Variants in UBTD1 observed in about 807,000 individuals in gnomAD.
The protein encoded by UBTD1 is ubiquitin domain-containing protein 1.
A neutral mutation model predicts 21.7 loss-of-function variants in UBTD1; 19 were observed. The observed-to-expected ratio is 0.87, with a 90% CI of 0.61 to 1.28. UBTD1 has a LOEUF of 1.28. Among genes scored for constraint, UBTD1 ranks in the 50% most tolerant of loss-of-function variants. UBTD1 has a pLI of 0.00. For missense variants in UBTD1, 282 were observed against 315.1 expected (o/e 0.89, Z 0.80); for synonymous variants, 116 against 135.1 (o/e 0.86, Z 0.98).
rs2135690149 is a variant in UBTD1 at position 97,567,767 on chromosome 10, T to C, written c.71-147T>C. On this transcript the variant is annotated intron_variant, in intron 1 of 2. Transcript: ENST00000370664. ...GAAGTTTTCTGACTCTTCCCTGCTA[T>C]TTAGGAAGGGCTTCAAAGACCTGAA... 4.1e-6 allele frequency: 3 copies of C among 725,696 alleles called. No homozygotes were observed. The East Asian group carries it at 8.1e-5, about 20-fold the overall frequency. The allele number at this position is 725,696 out of a possible 1,614,324, so 45.0% of individuals were successfully genotyped here.
chr10:97,506,139 G>A (rs552930351), intron 1 of UBTD1, among the ~76,000 whole-genome samples: 26 of 152,204 alleles, frequency 1.7e-4, no homozygotes, highest in Non-Finnish European at 1.5e-5. Context: ...GACCTGGGGT[G>A]GGGGAGGGAC....
intron 1 of UBTD1, among the ~76,000 whole-genome samples, chr10:97,535,144 C>T (rs2040554043): frequency 6.6e-6 from 1 of 152,170 alleles, no homozygotes; most frequent in Non-Finnish European, 1.5e-5. Context: ...TGTCTCATGG[C>T]CCCAAGAAAC....
At chr10:97,558,630 G>A (rs940840892) in intron 1 of UBTD1, among the ~76,000 whole-genome samples, 1 of 151,150 alleles carries the variant, frequency 6.6e-6, no homozygotes, top group Non-Finnish European at 1.5e-5. Flanking sequence ...CAGGGCTGGG[G>A]CCGACATGAA....
At chr10:97,513,639 T>G (rs888642302) in intron 1 of UBTD1, among the ~76,000 whole-genome samples, 1 of 152,230 alleles carries the variant, frequency 6.6e-6, no homozygotes, top group African/African-American at 2.4e-5. Flanking sequence ...GTGAACGATA[T>G]GAGAAAGCTC....
chr10:97,505,518 A>G (rs2040394871), intron 1 of UBTD1, among the ~76,000 whole-genome samples: 1 of 152,224 alleles, frequency 6.6e-6, no homozygotes, highest in Admixed American at 6.5e-5. Flanking sequence ...CTTCACAGAG[A>G]TGTTATGGAG....
rs34756643 is a variant in UBTD1 at position 97,527,171 on chromosome 10, CAAA to C, written c.70+27919_70+27921del. Among the ~76,000 whole-genome samples the C allele has an allele frequency of 2.4e-3, 161 of 66,712 alleles. 2 individuals carry two copies. Among genetic ancestry groups the C allele is most frequent in the African/African-American group, 9.8e-3 (154 of 15,750 alleles). 43.8% of individuals were successfully genotyped at this position (66,712 alleles called of 152,430 possible). A position where few individuals can be genotyped will look rare whatever the true frequency, so the allele number is the denominator to read the frequency against. On this transcript the variant is annotated intron_variant, in intron 1 of 2. Coordinates refer to ENST00000370664, the MANE Select transcript of UBTD1 (RefSeq NM_024954.5). Reference sequence around the variant, plus strand: ...GGCAACAAAGCGAAACTCTTGTCTCCAAAAAAAAAAAAAAAAAAAAAAAGCCTG... The same window carrying C: ...GGCAACAAAGCGAAACTCTTGTCTCCAAAAAAAAAAAAAAAAAAAAGCCTG...
chr10:97,514,960 C>CAGCT (rs1564735925), intron 1 of UBTD1, among the ~76,000 whole-genome samples: 16 of 152,200 alleles, frequency 1.1e-4, no homozygotes, highest in African/African-American at 3.9e-4. Flanking sequence ...AGTCTGGCCT[C>CAGCT]GTGCATAGGA....
chr10:97,515,851 G>A lies in UBTD1; in HGVS notation c.70+16578G>A, dbSNP rs749992654. ...CTCCAGCCAAGGGATGGGGTCACACGTGATGAAACAGGTCTGGCAGGAGCC... is the reference window on the plus strand; with the variant it reads ...CTCCAGCCAAGGGATGGGGTCACACATGATGAAACAGGTCTGGCAGGAGCC... On this transcript the variant is annotated intron_variant, in intron 1 of 2. Coordinates refer to ENST00000370664, the MANE Select transcript of UBTD1 (RefSeq NM_024954.5). Among the ~76,000 whole-genome samples the A allele has an allele frequency of 5.4e-4, 82 of 152,204 alleles. 1 individual carries two copies. Among genetic ancestry groups the A allele is most frequent in the Admixed American group, 1.1e-3 (17 of 15,284 alleles).
intron 1 of UBTD1, among the ~76,000 whole-genome samples, chr10:97,512,486 A>T (rs1564735480): frequency 6.6e-6 from 1 of 152,142 alleles, no homozygotes. Flanking sequence ...GCCATAACTT[A>T]TTGCTTGTAT....
At chr10:97,501,720 T>G (rs2135651112) in intron 1 of UBTD1, among the ~76,000 whole-genome samples, 1 of 152,352 alleles carries the variant, frequency 6.6e-6, no homozygotes, top group African/African-American at 2.4e-5. Context: ...TCCTGATTTC[T>G]TTCCCTTCTC....
At chr10:97,515,381 C>T (rs2135660725) in intron 1 of UBTD1, among the ~76,000 whole-genome samples, 1 of 152,322 alleles carries the variant, frequency 6.6e-6, no homozygotes, top group East Asian at 1.9e-4. Context: ...AGTTTTTCTT[C>T]ATTCAGCAAG....
At chr10:97,531,815 T>C (rs887811164) in intron 1 of UBTD1, among the ~76,000 whole-genome samples, 1 of 152,150 alleles carries the variant, frequency 6.6e-6, no homozygotes, top group Non-Finnish European at 1.5e-5. Flanking sequence ...TCCCCTGTGG[T>C]TTCCAGGTCC....
intron 1 of UBTD1, among the ~76,000 whole-genome samples, chr10:97,506,874 T>C (rs745803211): frequency 4.6e-5 from 7 of 152,232 alleles, no homozygotes; most frequent in Non-Finnish European, 1.0e-4. Flanking sequence ...TTCCATTGTA[T>C]GTATATACCA....
At chr10:97,531,601 AGACTCCTGACT>A (rs2135670315) in intron 1 of UBTD1, among the ~76,000 whole-genome samples, 1 of 152,192 alleles carries the variant, frequency 6.6e-6, no homozygotes, top group East Asian at 1.9e-4. Flanking sequence ...GTTGGACCAG[AGACTCCTGACT>A]GTGCTTGGGA....
intron 1 of UBTD1, among the ~76,000 whole-genome samples, chr10:97,563,495 T>G (rs1156882119): frequency 6.6e-6 from 1 of 151,482 alleles, no homozygotes; most frequent in Non-Finnish European, 1.5e-5. Flanking sequence ...TGGAGATAGG[T>G]AGGGAGAGGT....
In UBTD1 at chr10:97,499,114, GCCGGAGC is replaced by G. The variant is rs2040291872; in HGVS notation, c.-88_-82del. 2.1e-6 allele frequency: 3 copies of G among 1,400,780 alleles called. No homozygotes were observed. The highest frequency in any genetic ancestry group is 2.8e-6 in the Non-Finnish European group (3 of 1,052,702). The allele number at this position is 1,400,780 out of a possible 1,614,324, so 86.8% of individuals were successfully genotyped here. On this transcript the variant is annotated 5_prime_UTR_variant, in exon 1 of 3. The change abolishes the stop of an existing upstream ORF in the 5' untranslated region. Transcript: ENST00000370664. ...ATCGGGGAGCGCCCGATGCCGGGCGGCCGGAGCCATTGACCCGGGACGCCGCCGTCCG... is the reference window on the plus strand; with the variant it reads ...ATCGGGGAGCGCCCGATGCCGGGCGGCATTGACCCGGGACGCCGCCGTCCG...
intron 1 of UBTD1, among the ~76,000 whole-genome samples, chr10:97,562,925 G>A (rs2040699720): frequency 1.3e-5 from 2 of 152,144 alleles, no homozygotes; most frequent in Admixed American, 1.3e-4. Flanking sequence ...ATTTTGGGGG[G>A]TGGTATGGAG....
At position 97,545,421 on chromosome 10, in the gene UBTD1, T is replaced by TGG. The variant is rs1254671522; in HGVS notation, c.71-22492_71-22491insGG. On this transcript the variant is annotated intron_variant, in intron 1 of 2. Transcript: ENST00000370664. ...GTGTGTGTGTGTGTGGGTGTGGGTG[T>TGG]GTGTGTGTGGGTGTGTGTGTGTGTG... Among the ~76,000 whole-genome samples, 98 of 56,664 alleles carry TGG rather than the reference T, an allele frequency of 1.7e-3. 1 individual carries two copies. In the East Asian group the frequency reaches 0.029, roughly 17 times the overall value. 37.2% of individuals were successfully genotyped at this position (56,664 alleles called of 152,430 possible).
At chr10:97,531,904 A>G (rs1379714648) in intron 1 of UBTD1, among the ~76,000 whole-genome samples, 1 of 152,218 alleles carries the variant, frequency 6.6e-6, no homozygotes, top group Non-Finnish European at 1.5e-5. Flanking sequence ...ACCAGGAGGT[A>G]GTCTCCAAAT....
Sources: allele counts gnomAD v4.1 joint callset (sites outside exome capture counted in the v4.1 genomes callset), GRCh38; gene constraint gnomAD v4.1.1; transcripts MANE v1.5; gene names NCBI Gene and HGNC (gene_info 2026-07-23, HGNC 2026-07-21).